The following RIMS4 variants were observed in gnomAD, a reference collection of about 807,000 sequenced individuals.
RIMS4 encodes the protein regulating synaptic membrane exocytosis protein 4.
A neutral mutation model predicts 29.0 loss-of-function variants in RIMS4; 9 were observed. That is an observed-to-expected ratio of 0.31 (90% CI 0.19 to 0.54). RIMS4 has a LOEUF of 0.54. Among genes scored for constraint, RIMS4 ranks in the 20% least tolerant of loss-of-function variants. RIMS4 has a pLI of 0.94. For synonymous variants in RIMS4, 130 were observed against 152.9 expected (o/e 0.85, Z 1.10); for missense variants, 193 against 365.7 (o/e 0.53, Z 3.85).
At chr20:44,773,273 C>T (rs1333842929) in intron 1 of RIMS4, among the ~76,000 whole-genome samples, 1 of 152,076 alleles carries the variant, frequency 6.6e-6, no homozygotes, top group Non-Finnish European at 1.5e-5. Flanking sequence ...CTACTCCATT[C>T]CATCATCTGT....
chr20:44,790,232 T>G (rs910421555), intron 1 of RIMS4, among the ~76,000 whole-genome samples: 3 of 152,222 alleles, frequency 2.0e-5, no homozygotes, highest in Admixed American at 2.0e-4. Context: ...AAATGCTGAG[T>G]GTCCTTCTTA....
chr20:44,765,397 C>T (rs985472457), intron 2 of RIMS4, among the ~76,000 whole-genome samples: 5 of 152,140 alleles, frequency 3.3e-5, no homozygotes, highest in African/African-American at 1.2e-4. Context: ...CCCAGGAAAA[C>T]AGGAATAAAG....
chr20:44,797,708 C>T (rs530137865), intron 1 of RIMS4, among the ~76,000 whole-genome samples: 22 of 152,320 alleles, frequency 1.4e-4, no homozygotes, highest in African/African-American at 4.6e-4. Context: ...GCCCATTTTA[C>T]AGACGAGCCC....
intron 2 of RIMS4, among the ~76,000 whole-genome samples, chr20:44,762,029 T>C (rs2066087582): frequency 6.6e-6 from 1 of 152,152 alleles, no homozygotes; most frequent in African/African-American, 2.4e-5. Context: ...TTCCATGGAC[T>C]GGGGCAGGGA....
At chr20:44,788,162 G>C (rs1381207729) in intron 1 of RIMS4, among the ~76,000 whole-genome samples, 1 of 152,176 alleles carries the variant, frequency 6.6e-6, no homozygotes, top group African/African-American at 2.4e-5. Context: ...TTCCCAGACA[G>C]GGGAAGAAAC....
chr20:44,783,546 C>G (rs972167983), intron 1 of RIMS4, among the ~76,000 whole-genome samples: 6 of 152,024 alleles, frequency 3.9e-5, no homozygotes, highest in Non-Finnish European at 7.4e-5. Context: ...ATCACTTGAA[C>G]CCAGGAGGCT....
chr20:44,757,179 G>C (rs1046119350), intron 4 of RIMS4, 142 bp from the exon 5 acceptor site: 1 of 897,290 alleles, frequency 1.1e-6, no homozygotes. Context: ...CAGGACACAT[G>C]GGGGGTGGGC....
chr20:44,760,474 G>T lies in RIMS4; in HGVS notation c.237-2290C>A, dbSNP rs114876534. On this transcript the variant is annotated intron_variant, in intron 2 of 5. Transcript: ENST00000372851. ...CAGATCCATAGAGGCCTGGTGGTCT[G>T]GGCAAAGAGAAGTAGCTGAGACCAA... Among the ~76,000 whole-genome samples, 955 of 152,282 alleles carry T rather than the reference G, an allele frequency of 6.3e-3. 13 individuals carry two copies. The highest frequency in any genetic ancestry group is 0.022 in the African/African-American group (911 of 41,546).
rs377137927 is a variant in RIMS4 at position 44,764,047 on chromosome 20, TATCC to T, written c.237-5867_237-5864del. ...CCATTTATCCATCCATCCATCCATT[TATCC>T]ATCCATCCATCCATTTATCCATCCA... On this transcript the variant is annotated intron_variant, in intron 2 of 5. Transcript: ENST00000372851. 4.0e-4 allele frequency among the ~76,000 whole-genome samples: 31 copies of T among 77,314 alleles called. 1 individual carries two copies. In the East Asian group the frequency reaches 8.2e-3, roughly 21 times the overall value. 50.7% of individuals were successfully genotyped at this position (77,314 alleles called of 152,430 possible). A position where few individuals can be genotyped will look rare whatever the true frequency, so the allele number is the denominator to read the frequency against.
rs898585684 is a variant in RIMS4, at chr20:44,798,048, C to T, written c.97+12127G>A. 3.3e-5 allele frequency among the ~76,000 whole-genome samples: 5 copies of T among 152,204 alleles called. No individual in the cohort carries two copies. In the East Asian group the frequency reaches 9.6e-4, roughly 29 times the overall value. On this transcript the variant is annotated intron_variant, in intron 1 of 5. Transcript: ENST00000372851. ...CTACCCCTTCTGCTTTCACCTCAGG[C>T]CACCTATTAGGGCCTCTGCCCTCCT... is the stretch of plus-strand genomic sequence containing the variant.
chr20:44,778,127 C>T (rs1288084039), intron 1 of RIMS4, among the ~76,000 whole-genome samples: 1 of 152,212 alleles, frequency 6.6e-6, no homozygotes, highest in Non-Finnish European at 1.5e-5. Flanking sequence ...GAGCCATCTG[C>T]AGATACTCAG....
At chr20:44,808,097 T>TATATAC (rs143504292) in intron 1 of RIMS4, among the ~76,000 whole-genome samples, 8 of 150,674 alleles carry the variant, frequency 5.3e-5, no homozygotes, top group Non-Finnish European at 1.0e-4. Context: ...TATATATATA[T>TATATAC]ACACACACAC....
At position 44,771,251 on chromosome 20, in the gene RIMS4, G is replaced by A. The variant is rs758753423; in HGVS notation, c.236+24C>T. The A allele has an allele frequency of 6.9e-6, 11 of 1,594,910 alleles. No individual in the cohort carries two copies. The Middle Eastern group carries it at 1.0e-3, about 145-fold the overall frequency. Reference sequence around the variant, plus strand: ...CACCACAAAAGACTGCAAGAACCAGGAGGGCTGGTGGCCCCACACTTACTT... The same window carrying A: ...CACCACAAAAGACTGCAAGAACCAGAAGGGCTGGTGGCCCCACACTTACTT... On this transcript the variant is annotated intron_variant, in intron 2 of 5. Transcript: ENST00000372851.
chr20:44,754,309 A>G lies in RIMS4; in HGVS notation c.*1825T>C, dbSNP rs2066048624. ...AAGCAGCTCTGTGGAGGTGATATAC[A>G]TTGACCAGAACTTTAAAGAATACCC... is the stretch of plus-strand genomic sequence containing the variant. On this transcript the variant is annotated 3_prime_UTR_variant, in exon 6 of 6. Transcript: ENST00000372851. 6.4e-6 allele frequency: 1 copy of G among 155,314 alleles called. No homozygotes were observed. The allele number at this position is 155,314 out of a possible 1,614,324, so 9.6% of individuals were successfully genotyped here. A position where few individuals can be genotyped will look rare whatever the true frequency, so the allele number is the denominator to read the frequency against.
At chr20:44,803,098 T>C (rs1326760722) in intron 1 of RIMS4, among the ~76,000 whole-genome samples, 1 of 152,182 alleles carries the variant, frequency 6.6e-6, no homozygotes, top group East Asian at 1.9e-4. Flanking sequence ...AAATTCTTTA[T>C]TGAATTGGTT....
intron 1 of RIMS4, among the ~76,000 whole-genome samples, chr20:44,783,137 C>G (rs2066192180): frequency 6.6e-6 from 1 of 152,184 alleles, no homozygotes; most frequent in African/African-American, 2.4e-5. Flanking sequence ...GCCCAAGGTC[C>G]CACAGCAAGT....
At chr20:44,785,697 A>G (rs563859918) in intron 1 of RIMS4, among the ~76,000 whole-genome samples, 15 of 151,094 alleles carry the variant, frequency 9.9e-5, no homozygotes, top group African/African-American at 3.6e-4. Context: ...CTTGAGCTTC[A>G]GTTTTCCCAC....
rs1377687751 is a variant in RIMS4, at chr20:44,754,053, T to C, written c.*2081A>G. 6.6e-6 allele frequency: 1 copy of C among 152,184 alleles called. No individual in the cohort carries two copies. Among genetic ancestry groups the C allele is most frequent in the African/African-American group, 2.4e-5 (1 of 41,400 alleles). The allele number at this position is 152,184 out of a possible 1,614,324, so 9.4% of individuals were successfully genotyped here. On this transcript the variant is annotated 3_prime_UTR_variant, in exon 6 of 6. Transcript: ENST00000372851. The stretch of plus-strand genomic sequence containing the variant: ...GGTGATGGCTGGAGAGAGAAGGCGC[T>C]CTCCTGGCTCAAAATATTCCAATGG...
intron 1 of RIMS4, among the ~76,000 whole-genome samples, chr20:44,807,338 GC>G: frequency 1.3e-5 from 2 of 152,304 alleles, no homozygotes; most frequent in South Asian, 4.1e-4. Flanking sequence ...AATGTGCTCT[GC>G]CCCAGTTAAG....
Sources: gnomAD v4.1 joint callset for allele counts (sites outside exome capture counted in the v4.1 genomes callset) on GRCh38, gnomAD v4.1.1 for gene constraint, MANE v1.5 for transcripts, NCBI Gene and HGNC (gene_info 2026-07-23, HGNC 2026-07-21) for gene names.